The following EXT1 variants were observed in gnomAD, a reference collection of about 807,000 sequenced individuals.
EXT1 encodes the protein exostosin-1.
Under a neutral mutation model 82.5 loss-of-function variants are expected in EXT1, and 20 were observed. That is an observed-to-expected ratio of 0.24 (90% CI 0.17 to 0.35). EXT1 has a LOEUF of 0.35. Among genes scored for constraint, EXT1 ranks in the 10% least tolerant of loss-of-function variants. EXT1 has a pLI of 1.00. For synonymous variants in EXT1, 348 were observed against 350.8 expected (o/e 0.99, Z 0.09); for missense variants, 757 against 936.5 (o/e 0.81, Z 2.50).
At chr8:117,984,444 CAAAACAAAAAAAA>C (rs1161844647) in intron 1 of EXT1, among the ~76,000 whole-genome samples, 1 of 105,004 alleles carries the variant, frequency 9.5e-6, no homozygotes, top group African/African-American at 4.1e-5. Context: ...CAAAACAAAA[CAAAACAAAAAAAA>C]AAAACAAAGA....
At chr8:117,950,470 T>G (rs1814471896) in intron 1 of EXT1, among the ~76,000 whole-genome samples, 2 of 152,218 alleles carry the variant, frequency 1.3e-5, no homozygotes, top group South Asian at 4.1e-4. Context: ...GTTCCCATTT[T>G]TCCTAGAAAT....
chr8:117,934,050 C>A (rs771156586), intron 1 of EXT1, among the ~76,000 whole-genome samples: 1 of 152,082 alleles, frequency 6.6e-6, no homozygotes, highest in Non-Finnish European at 1.5e-5. Flanking sequence ...CTCTCCCAAC[C>A]ACAGGAACAC....
chr8:117,897,840 C>T (rs974078571), intron 1 of EXT1, among the ~76,000 whole-genome samples: 29 of 151,860 alleles, frequency 1.9e-4, no homozygotes, highest in African/African-American at 5.3e-4. Context: ...TGGGCTCAAG[C>T]GATCTGCCCT....
intron 1 of EXT1, among the ~76,000 whole-genome samples, chr8:117,916,757 A>G (rs17430694): frequency 0.038 from 5,776 of 152,068 alleles, 126 homozygotes; most frequent in Middle Eastern, 0.048. Flanking sequence ...TACTAAAAAT[A>G]GAAAAATTAG....
At chr8:118,007,634 C>T (rs542068162) in intron 1 of EXT1, among the ~76,000 whole-genome samples, 14 of 152,144 alleles carry the variant, frequency 9.2e-5, no homozygotes, top group Non-Finnish European at 1.3e-4. Flanking sequence ...AAATTAAATA[C>T]AAAAGACGAA....
At chr8:117,971,012 C>T (rs1814928237) in intron 1 of EXT1, among the ~76,000 whole-genome samples, 1 of 152,176 alleles carries the variant, frequency 6.6e-6, no homozygotes, top group African/African-American at 2.4e-5. Flanking sequence ...CCTGTTATGT[C>T]TTCTCCTGGC....
At position 118,071,784 on chromosome 8, in the gene EXT1, C is replaced by T. The variant is rs971415472; in HGVS notation, c.962+38301G>A. On this transcript the variant is annotated intron_variant, in intron 1 of 10. Coordinates refer to ENST00000378204, the MANE Select transcript of EXT1 (RefSeq NM_000127.3). ...CCTTTTCTGTCCAATTTCAACAGGTCTCTTTAGGTAGAGAATATGATAATG... is the reference window on the plus strand; with the variant it reads ...CCTTTTCTGTCCAATTTCAACAGGTTTCTTTAGGTAGAGAATATGATAATG... 3.3e-5 allele frequency among the ~76,000 whole-genome samples: 5 copies of T among 152,182 alleles called. No individual in the cohort carries two copies. In the South Asian group the frequency reaches 8.3e-4, roughly 25 times the overall value.
intron 1 of EXT1, among the ~76,000 whole-genome samples, chr8:118,027,163 C>T (rs1445827629): frequency 6.6e-6 from 1 of 152,138 alleles, no homozygotes; most frequent in Non-Finnish European, 1.5e-5. Flanking sequence ...GCAAGCACTA[C>T]TCAGGGTTAG....
intron 1 of EXT1, among the ~76,000 whole-genome samples, chr8:118,101,966 C>T (rs1356488671): frequency 6.8e-6 from 1 of 146,894 alleles, no homozygotes; most frequent in African/African-American, 2.5e-5. Flanking sequence ...AAAAAAAAAA[C>T]AAGTTAAATA....
chr8:118,071,180 T>C (rs928471103), intron 1 of EXT1, among the ~76,000 whole-genome samples: 1 of 152,184 alleles, frequency 6.6e-6, no homozygotes, highest in Non-Finnish European at 1.5e-5. Context: ...AGGTAGAGCA[T>C]TTTGCAGTGT....
At chr8:117,845,935 T>C (rs893442122) in intron 1 of EXT1, among the ~76,000 whole-genome samples, 5 of 152,172 alleles carry the variant, frequency 3.3e-5, no homozygotes, top group African/African-American at 1.2e-4. Context: ...GTTCGGTTTG[T>C]GCAAGGAGGA....
rs776463920 is a variant in EXT1 at position 118,111,057 on chromosome 8, T to C, written c.-11A>G. ...TTTTTTGGCCTGCATGTGTCCTGCC[T>C]GGGTCAAGAGGATTGTAAATAAACA... is the stretch of plus-strand genomic sequence containing the variant. On this transcript the variant is annotated 5_prime_UTR_variant, in exon 1 of 11. Coordinates refer to ENST00000378204, the MANE Select transcript of EXT1 (RefSeq NM_000127.3). 3 of 1,585,188 alleles carry C rather than the reference T, an allele frequency of 1.9e-6. No individual in the cohort carries two copies. In the South Asian group the frequency reaches 3.4e-5, roughly 18 times the overall value.
chr8:117,998,672 T>A (rs1356033827), intron 1 of EXT1, among the ~76,000 whole-genome samples: 1 of 152,166 alleles, frequency 6.6e-6, no homozygotes, highest in East Asian at 1.9e-4. Context: ...TAAGAAAGCA[T>A]ACATATGAAG....
At chr8:117,982,774 G>C (rs971488272) in intron 1 of EXT1, among the ~76,000 whole-genome samples, 7 of 152,120 alleles carry the variant, frequency 4.6e-5, no homozygotes, top group African/African-American at 1.7e-4. Context: ...TTACAGGCGT[G>C]AGCCACCATG....
chr8:117,956,962 C>T (rs1814598930), intron 1 of EXT1, among the ~76,000 whole-genome samples: 1 of 152,174 alleles, frequency 6.6e-6, no homozygotes, highest in Non-Finnish European at 1.5e-5. Flanking sequence ...ATCCCGTGAC[C>T]ATGAAGTGGC....
chr8:118,106,378 C>T (rs1229455738), intron 1 of EXT1, among the ~76,000 whole-genome samples: 1 of 152,212 alleles, frequency 6.6e-6, no homozygotes, highest in African/African-American at 2.4e-5. Context: ...TGTCACTAAA[C>T]AATTTTCTTG....
chr8:118,030,179 T>C (rs1310212962), intron 1 of EXT1, among the ~76,000 whole-genome samples: 2 of 145,178 alleles, frequency 1.4e-5, no homozygotes, highest in Admixed American at 6.8e-5. Context: ...AACCACAGAG[T>C]GGTTGAGAGA....
At chr8:117,896,732 G>C (rs1016738302) in intron 1 of EXT1, among the ~76,000 whole-genome samples, 1 of 152,208 alleles carries the variant, frequency 6.6e-6, no homozygotes, top group Non-Finnish European at 1.5e-5. Context: ...GATTTGGGGA[G>C]GTGGATGGAG....
chr8:117,882,387 T>A (rs1258780170), intron 1 of EXT1, among the ~76,000 whole-genome samples: 5 of 152,200 alleles, frequency 3.3e-5, no homozygotes, highest in African/African-American at 4.8e-5. Flanking sequence ...CCAGCTCGTT[T>A]AGTTAACTTT....
Sources: gnomAD v4.1 joint callset for allele counts (sites outside exome capture counted in the v4.1 genomes callset) on GRCh38, gnomAD v4.1.1 for gene constraint, MANE v1.5 for transcripts, NCBI Gene and HGNC (gene_info 2026-07-23, HGNC 2026-07-21) for gene names.